FAM13A: variants seen among roughly 807,000 people sequenced by gnomAD.
The protein encoded by FAM13A is family with sequence similarity 13 member A, also known as protein FAM13A.
Under a neutral mutation model 129.6 loss-of-function variants are expected in FAM13A, and 76 were observed. That is an observed-to-expected ratio of 0.59 (90% CI 0.49 to 0.71). FAM13A has a LOEUF of 0.71. FAM13A is among the 30% of genes least tolerant of loss of function. The pLI, the probability that FAM13A is intolerant of heterozygous loss-of-function variation, is 0.00. For missense variants in FAM13A, 1,108 were observed against 1,249.3 expected, an observed-to-expected ratio of 0.89 and a Z score of 1.70; for synonymous variants, 443 against 449.9, an observed-to-expected ratio of 0.98 and a Z score of 0.20.
intron 3 of FAM13A, among the ~76,000 whole-genome samples, chr4:88,999,351 G>C (rs1296108488): frequency 6.6e-6 from 1 of 152,136 alleles, no homozygotes; most frequent in Non-Finnish European, 1.5e-5. Context: ...ATAAAGGTTA[G>C]ACACAAGCAT....
chr4:88,757,352 T>C (rs1743880088), intron 14 of FAM13A, among the ~76,000 whole-genome samples: 1 of 152,196 alleles, frequency 6.6e-6, no homozygotes, highest in South Asian at 2.1e-4. Flanking sequence ...GGGTAGACCA[T>C]ATCACTAAGA....
intron 5 of FAM13A, among the ~76,000 whole-genome samples, chr4:88,925,278 C>T (rs1751904839): frequency 6.6e-6 from 1 of 152,114 alleles, no homozygotes; most frequent in African/African-American, 2.4e-5. Flanking sequence ...CGGCTCTATT[C>T]ACAATAGCAA....
At chr4:88,856,187 C>T (rs1738455217) in intron 6 of FAM13A, among the ~76,000 whole-genome samples, 1 of 152,034 alleles carries the variant, frequency 6.6e-6, no homozygotes, top group South Asian at 2.1e-4. Flanking sequence ...AGTACAAAAA[C>T]TCTAAGTGTG....
intron 13 of FAM13A, among the ~76,000 whole-genome samples, chr4:88,760,772 C>T (rs192526786): frequency 1.2e-3 from 187 of 152,034 alleles, no homozygotes; most frequent in African/African-American, 3.8e-3. Flanking sequence ...GGTTAAATGC[C>T]CAAATCTAGT....
intron 7 of FAM13A, among the ~76,000 whole-genome samples, chr4:88,814,317 G>A (rs1045389770): frequency 1.3e-5 from 2 of 152,174 alleles, no homozygotes; most frequent in African/African-American, 4.8e-5. Context: ...AGCCACACAG[G>A]GAGTGAATTT....
chr4:88,943,347 A>G (rs932043405), intron 4 of FAM13A, among the ~76,000 whole-genome samples: 2 of 152,222 alleles, frequency 1.3e-5, no homozygotes, highest in African/African-American at 4.8e-5. Context: ...ATGATGTTTA[A>G]TCTTTGAGTT....
At chr4:88,776,031 T>C (rs1201791663) in intron 11 of FAM13A, among the ~76,000 whole-genome samples, 4 of 152,242 alleles carry the variant, frequency 2.6e-5, no homozygotes, top group South Asian at 2.1e-4. Flanking sequence ...TGAGATTTCA[T>C]GTACACATGA....
intron 19 of FAM13A, among the ~76,000 whole-genome samples, chr4:88,744,737 A>G (rs531525040): frequency 6.6e-6 from 1 of 151,934 alleles, no homozygotes; most frequent in Admixed American, 6.6e-5. Context: ...TGACTCTTTG[A>G]TTTTTTTTCA....
At chr4:88,998,308 G>A (rs994327237) in intron 3 of FAM13A, among the ~76,000 whole-genome samples, 1 of 152,180 alleles carries the variant, frequency 6.6e-6, no homozygotes, top group Non-Finnish European at 1.5e-5. Context: ...TGACTAGACT[G>A]AAATAGAGAG....
At chr4:88,884,127 G>C (rs1431981281) in intron 6 of FAM13A, among the ~76,000 whole-genome samples, 1 of 152,032 alleles carries the variant, frequency 6.6e-6, no homozygotes, top group South Asian at 2.1e-4. Context: ...CCACAAGATA[G>C]AGAAGGAAGG....
At chr4:88,804,177 C>T (rs1290531326) in intron 8 of FAM13A, among the ~76,000 whole-genome samples, 2 of 152,092 alleles carry the variant, frequency 1.3e-5, no homozygotes, top group South Asian at 2.1e-4. Flanking sequence ...TGCTTAAACC[C>T]GGGAGGCGGA....
intron 7 of FAM13A, among the ~76,000 whole-genome samples, chr4:88,815,869 TG>T (rs1730625880): frequency 6.6e-6 from 1 of 152,016 alleles, no homozygotes; most frequent in African/African-American, 2.4e-5. Flanking sequence ...CATTGACAGA[TG>T]TATGTTTATC....
chr4:88,914,220 C>T (rs1749713544), intron 5 of FAM13A, among the ~76,000 whole-genome samples: 1 of 152,178 alleles, frequency 6.6e-6, no homozygotes, highest in South Asian at 2.1e-4. Flanking sequence ...CAATCATAAC[C>T]ATCATTGTTC....
intron 11 of FAM13A, among the ~76,000 whole-genome samples, chr4:88,773,444 A>G (rs531122355): frequency 2.6e-5 from 4 of 152,310 alleles, no homozygotes; most frequent in African/African-American, 9.6e-5. Context: ...AGCTAGATAT[A>G]TGTGAAGTTA....
chr4:89,027,984 C>T (rs1768185992), intron 2 of FAM13A, among the ~76,000 whole-genome samples: 1 of 151,476 alleles, frequency 6.6e-6, no homozygotes, highest in Admixed American at 6.6e-5. Context: ...GCAGGCAGAT[C>T]ACCTGAGGTC....
chr4:88,870,705 CA>C (rs1181789445), intron 6 of FAM13A, among the ~76,000 whole-genome samples: 3 of 152,200 alleles, frequency 2.0e-5, no homozygotes, highest in African/African-American at 4.8e-5. Flanking sequence ...CACAGCTGAA[CA>C]AAAGGCAGCA....
At chr4:89,007,974 C>CA (rs1376043817) in intron 3 of FAM13A, among the ~76,000 whole-genome samples, 2 of 146,104 alleles carry the variant, frequency 1.4e-5, no homozygotes, top group Non-Finnish European at 3.0e-5. Flanking sequence ...ATATTAAACA[C>CA]AAAAAACACC....
At chr4:89,038,066 C>T (rs1228949350) in intron 1 of FAM13A, among the ~76,000 whole-genome samples, 1 of 152,194 alleles carries the variant, frequency 6.6e-6, no homozygotes, top group Non-Finnish European at 1.5e-5. Context: ...CTTAAGGCTC[C>T]AGTGCTTGAG....
chr4:88,903,059 C>T (rs931798264), intron 6 of FAM13A, among the ~76,000 whole-genome samples: 15 of 152,032 alleles, frequency 9.9e-5, no homozygotes, highest in Non-Finnish European at 1.8e-4. Flanking sequence ...AAGTAAAGGA[C>T]CTCTTCAAGG....
Sources: allele counts gnomAD v4.1 joint callset (sites outside exome capture counted in the v4.1 genomes callset), GRCh38; gene constraint gnomAD v4.1.1; transcripts MANE v1.5; gene names NCBI Gene and HGNC (gene_info 2026-07-23, HGNC 2026-07-21).